PTCHD1: variants seen among roughly 807,000 people sequenced by gnomAD.
PTCHD1 encodes patched domain containing 1, also known as patched domain-containing protein 1.
PTCHD1 carries 3 observed loss-of-function variants against 34.6 expected under a neutral mutation model. The observed-to-expected ratio is 0.09, with a 90% CI of 0.04 to 0.22. PTCHD1 has a LOEUF of 0.22. PTCHD1 is among the 10% of genes least tolerant of loss of function. The pLI, the probability that PTCHD1 is intolerant of heterozygous loss-of-function variation, is 1.00. For synonymous variants in PTCHD1, 305 were observed against 283.1 expected (o/e 1.08, Z -0.77); for missense variants, 504 against 685.5 (o/e 0.74, Z 2.96).
chrX:23,379,122 T>A (rs1329215069), intron 1 of PTCHD1, among the ~76,000 whole-genome samples: 1 of 112,412 alleles, frequency 8.9e-6, no homozygotes, highest in Non-Finnish European at 1.9e-5. Flanking sequence ...TGCACCTTAG[T>A]TCACTTTCTA....
At chrX:23,365,790 G>A (rs746419345) in intron 1 of PTCHD1, among the ~76,000 whole-genome samples, 56 of 112,085 alleles carry the variant, frequency 5.0e-4, no homozygotes, top group African/African-American at 1.8e-3. Flanking sequence ...ATTTGAAGTC[G>A]GGCAGGTGTG....
At chrX:23,342,291 TA>T in intron 1 of PTCHD1, among the ~76,000 whole-genome samples, 1 of 6,446 alleles carries the variant, frequency 1.6e-4, no homozygotes, top group Non-Finnish European at 1.9e-4. Flanking sequence ...TATATATATA[TA>T]TATATATATA....
chrX:23,366,411 GC>G (rs776290034), intron 1 of PTCHD1, among the ~76,000 whole-genome samples: 19 of 111,946 alleles, frequency 1.7e-4, no homozygotes, highest in Non-Finnish European at 3.4e-4. Context: ...GACTTTGCCT[GC>G]CCCTCTGGCT....
intron 1 of PTCHD1, among the ~76,000 whole-genome samples, chrX:23,344,673 G>T (rs1006753376): frequency 1.8e-5 from 2 of 111,769 alleles, no homozygotes; most frequent in Non-Finnish European, 3.8e-5. Flanking sequence ...GGGGATGGGT[G>T]CATTGCATTC....
chrX:23,351,145 C>A, intron 1 of PTCHD1: 1 of 586,815 alleles, frequency 1.7e-6, no homozygotes, highest in Non-Finnish European at 2.7e-6. Context: ...AAGCCAACAT[C>A]CTTTTGGAGC....
At chrX:23,352,202 G>T (rs1457074047) in intron 1 of PTCHD1, among the ~76,000 whole-genome samples, 2 of 111,882 alleles carry the variant, frequency 1.8e-5, no homozygotes, top group Non-Finnish European at 3.8e-5. Context: ...TTCCCATCTG[G>T]CTGGGGTTTG....
At chrX:23,354,573 CTTT>C (rs1205812443) in intron 1 of PTCHD1, among the ~76,000 whole-genome samples, 7 of 86,593 alleles carry the variant, frequency 8.1e-5, no homozygotes, top group African/African-American at 3.1e-4. Flanking sequence ...AGGTGAAATT[CTTT>C]TTTTTTTTTT....
At chrX:23,349,481 G>A (rs1921567857) in intron 1 of PTCHD1, among the ~76,000 whole-genome samples, 1 of 111,869 alleles carries the variant, frequency 8.9e-6, no homozygotes, top group African/African-American at 3.2e-5. Flanking sequence ...GATATGCCCT[G>A]CTAATTCTGC....
chrX:23,352,767 C>T (rs1377568118), intron 1 of PTCHD1, among the ~76,000 whole-genome samples: 1 of 112,017 alleles, frequency 8.9e-6, no homozygotes, highest in East Asian at 2.8e-4. Flanking sequence ...AAACAGTGGC[C>T]TACTCCAAAT....
At chrX:23,376,950 C>T (rs1464143570) in intron 1 of PTCHD1, among the ~76,000 whole-genome samples, 3 of 112,025 alleles carry the variant, frequency 2.7e-5, no homozygotes, top group African/African-American at 9.8e-5. Flanking sequence ...CCAAGATTCC[C>T]TCCTATGGTC....
rs772046410 is a variant in PTCHD1 at position 23,341,321 on chromosome X, T to A, written c.351+6095T>A. Among the ~76,000 whole-genome samples, 2 of 112,130 alleles carry A rather than the reference T, an allele frequency of 1.8e-5. 1 individual carries two copies. The highest frequency in any genetic ancestry group is 6.5e-5 in the African/African-American group (2 of 30,868). On this transcript the variant is annotated intron_variant, in intron 1 of 2. Transcript: ENST00000379361. ...ATAAAGCTCACAGGACAGTCAAGCA[T>A]TGAACTGATGACTCCTTAAAAATAC...
chrX:23,381,200 G>C (rs1922556293), intron 2 of PTCHD1, among the ~76,000 whole-genome samples: 2 of 112,320 alleles, frequency 1.8e-5, no homozygotes, highest in Admixed American at 9.4e-5. Context: ...CGTGCTTCCA[G>C]TGTGTCCACT....
At chrX:23,356,658 C>T (rs931782870) in intron 1 of PTCHD1, among the ~76,000 whole-genome samples, 2 of 112,002 alleles carry the variant, frequency 1.8e-5, no homozygotes, top group African/African-American at 6.5e-5. Context: ...CATTGTACCT[C>T]CAACAAAAAG....
intron 1 of PTCHD1, among the ~76,000 whole-genome samples, chrX:23,359,433 G>C (rs1401109059): frequency 2.7e-5 from 3 of 111,949 alleles, no homozygotes; most frequent in Non-Finnish European, 5.6e-5. Flanking sequence ...GTTCACTCAT[G>C]ATTTGGCTCT....
At chrX:23,370,059 G>T (rs1008602416) in intron 1 of PTCHD1, among the ~76,000 whole-genome samples, 1 of 112,453 alleles carries the variant, frequency 8.9e-6, no homozygotes, top group African/African-American at 3.2e-5. Context: ...TGTTCATTTT[G>T]TCTTTGCTAT....
chrX:23,373,032 A>C (rs1021538247), intron 1 of PTCHD1, among the ~76,000 whole-genome samples: 9 of 112,568 alleles, frequency 8.0e-5, no homozygotes, highest in African/African-American at 9.7e-5. Flanking sequence ...CCTGTGGTTC[A>C]CTGTACTGAC....
intron 2 of PTCHD1, among the ~76,000 whole-genome samples, chrX:23,384,183 T>C (rs746729660): frequency 3.6e-5 from 4 of 112,533 alleles, no homozygotes; most frequent in Admixed American, 1.9e-4. Flanking sequence ...AAAAGGAGAA[T>C]TGAAGTCGTA....
intron 2 of PTCHD1, among the ~76,000 whole-genome samples, chrX:23,388,587 T>C (rs1224826950): frequency 1.8e-5 from 2 of 111,028 alleles, no homozygotes; most frequent in South Asian, 7.7e-4. Context: ...TCCCAGCACT[T>C]TGGGAGGCCG....
chrX:23,355,644 A>G (rs771975721), intron 1 of PTCHD1, among the ~76,000 whole-genome samples: 1 of 112,664 alleles, frequency 8.9e-6, no homozygotes, highest in Non-Finnish European at 1.9e-5. Context: ...TCTATGAGCT[A>G]TGTTATTTAC....
Sources: gnomAD v4.1 joint callset for allele counts (sites outside exome capture counted in the v4.1 genomes callset) on GRCh38, gnomAD v4.1.1 for gene constraint, MANE v1.5 for transcripts, NCBI Gene and HGNC (gene_info 2026-07-23, HGNC 2026-07-21) for gene names.